Variants in VWA3B observed in about 807,000 individuals in gnomAD.
The protein encoded by VWA3B is von Willebrand factor A domain containing 3B.
A neutral mutation model predicts 158.3 loss-of-function variants in VWA3B; 138 were observed. The observed-to-expected ratio is 0.87, with a 90% confidence interval of 0.76 to 1.00. The LOEUF is 1.00. VWA3B is among the 50% of genes least tolerant of loss of function. The probability of loss-of-function intolerance (pLI) is 0.00; values close to 1 mark genes in which losing one functional copy is unlikely to be tolerated. For synonymous variants in VWA3B, 596 were observed against 587.3 expected (o/e 1.01, Z -0.21); for missense variants, 1,555 against 1,565.1 (o/e 0.99, Z 0.11).
intron 7 of VWA3B, among the ~76,000 whole-genome samples, chr2:98,135,363 T>G: frequency 8.4e-6 from 1 of 119,064 alleles, no homozygotes; most frequent in Non-Finnish European, 1.7e-5. Context: ...TGAGACAGAG[T>G]CTCGCTCTGT....
At chr2:98,117,437 G>A (rs945980799) in intron 3 of VWA3B, among the ~76,000 whole-genome samples, 6 of 152,220 alleles carry the variant, frequency 3.9e-5, no homozygotes, top group African/African-American at 1.4e-4. Context: ...CTGGGCTGTG[G>A]CTTTGTCCTC....
intron 12 of VWA3B, among the ~76,000 whole-genome samples, chr2:98,201,019 A>T (rs1023206192): frequency 6.6e-6 from 1 of 152,254 alleles, no homozygotes; most frequent in Admixed American, 6.5e-5. Context: ...CATTGTCTTT[A>T]TTATTGTGAC....
intron 7 of VWA3B, among the ~76,000 whole-genome samples, chr2:98,140,145 A>C (rs1676654829): frequency 6.6e-6 from 1 of 152,182 alleles, no homozygotes; most frequent in Admixed American, 6.5e-5. Flanking sequence ...CAGAAGGAAC[A>C]AACTCCAGAT....
intron 9 of VWA3B, among the ~76,000 whole-genome samples, chr2:98,183,737 G>A (rs1394872009): frequency 2.0e-5 from 3 of 152,232 alleles, no homozygotes; most frequent in Admixed American, 2.0e-4. Flanking sequence ...TACGGAACGA[G>A]AAGTTCTAGG....
At chr2:98,143,733 CTTTCT>C (rs1203449645) in intron 7 of VWA3B, among the ~76,000 whole-genome samples, 14 of 147,750 alleles carry the variant, frequency 9.5e-5, no homozygotes, top group South Asian at 4.3e-4. Flanking sequence ...GGAGCTTTAG[CTTTCT>C]TTTCTTTTCT....
At chr2:98,227,941 A>G (rs549492059) in intron 14 of VWA3B, among the ~76,000 whole-genome samples, 1 of 152,364 alleles carries the variant, frequency 6.6e-6, no homozygotes, top group African/African-American at 2.4e-5. Context: ...ATGGGATAAT[A>G]TAAGAACAAC....
chr2:98,092,497 G>A (rs972294492), intron 1 of VWA3B, among the ~76,000 whole-genome samples: 1 of 152,074 alleles, frequency 6.6e-6, no homozygotes. Flanking sequence ...ACAAAAATTA[G>A]CTGGGCATGG....
the VWA3B span, among the ~76,000 whole-genome samples, chr2:98,325,439 C>A: frequency 5.9e-5 from 9 of 152,042 alleles, no homozygotes; most frequent in Non-Finnish European, 1.0e-4. Context: ...TGAAAATAAC[C>A]TCAAAAATTA....
At chr2:98,262,508 C>A (rs986162910) in intron 21 of VWA3B, among the ~76,000 whole-genome samples, 5 of 151,828 alleles carry the variant, frequency 3.3e-5, no homozygotes, top group African/African-American at 1.2e-4. Context: ...TCCCCAGAAT[C>A]ACTTCTTGGA....
chr2:98,252,424 A>G (rs965858758), intron 20 of VWA3B, among the ~76,000 whole-genome samples: 1 of 152,124 alleles, frequency 6.6e-6, no homozygotes, highest in Non-Finnish European at 1.5e-5. Flanking sequence ...TTTGAGTCCT[A>G]TAATTACCCG....
intron 2 of VWA3B, among the ~76,000 whole-genome samples, chr2:98,102,490 C>T (rs950705044): frequency 8.5e-5 from 13 of 152,204 alleles, no homozygotes; most frequent in South Asian, 8.3e-4. Flanking sequence ...ACCAGGCGGC[C>T]GGGCAGAGAC....
At chr2:98,150,830 C>T (rs964900721) in intron 7 of VWA3B, among the ~76,000 whole-genome samples, 3 of 152,224 alleles carry the variant, frequency 2.0e-5, no homozygotes, top group African/African-American at 7.2e-5. Flanking sequence ...ATGCCACTGA[C>T]TCTCTGGAGG....
intron 21 of VWA3B, 63 bp downstream of exon 21, chr2:98,256,237 A>G: frequency 6.4e-7 from 1 of 1,563,214 alleles, no homozygotes; most frequent in Non-Finnish European, 8.7e-7. Flanking sequence ...CCTAAAATTA[A>G]CCATTTTAAA....
At chr2:98,320,298 A>G in the VWA3B span, among the ~76,000 whole-genome samples, 3 of 152,166 alleles carry the variant, frequency 2.0e-5, no homozygotes, top group Non-Finnish European at 2.9e-5. Context: ...CTGTGAGTCC[A>G]TTAAATCGCT....
rs183913122 is a variant in VWA3B, at chr2:98,220,799, A to C, written c.2019+2771A>C. ...GGAATACTATGCAGCCATAAAAAGG[A>C]ATGAGATCGTGTCCTTTTCAGGGAC... On this transcript the variant is annotated intron_variant, in intron 14 of 27. Coordinates refer to ENST00000477737, the MANE Select transcript of VWA3B (RefSeq NM_144992.5). Among the ~76,000 whole-genome samples, 75 of 152,288 alleles carry C rather than the reference A, an allele frequency of 4.9e-4. 1 individual carries two copies. Among genetic ancestry groups the C allele is most frequent in the Non-Finnish European group, 1.5e-5 (1 of 68,030 alleles).
chr2:98,092,112 T>C (rs1326233469), intron 1 of VWA3B, among the ~76,000 whole-genome samples: 1 of 152,180 alleles, frequency 6.6e-6, no homozygotes, highest in East Asian at 1.9e-4. Flanking sequence ...ATTCAGAAAG[T>C]GGATACATGT....
intron 19 of VWA3B, chr2:98,242,183 A>T: frequency 2.2e-6 from 1 of 455,308 alleles, no homozygotes; most frequent in Non-Finnish European, 4.4e-6. Context: ...CTTTGTCCCC[A>T]GCTCTTTGTT....
At chr2:98,183,189 C>CTTT (rs1244544813) in intron 9 of VWA3B, among the ~76,000 whole-genome samples, 2 of 124,596 alleles carry the variant, frequency 1.6e-5, no homozygotes, top group African/African-American at 3.1e-5. Context: ...GTACAGCTCC[C>CTTT]TTTTTTTTTT....
rs77640947 is a variant in VWA3B, at chr2:98,194,259, A to C, written c.1606-102A>C. 1,606 of 1,252,360 alleles carry C rather than the reference A, an allele frequency of 1.3e-3. 18 individuals carry two copies. The African/African-American group carries it at 0.022, about 17-fold the overall frequency. 77.6% of individuals were successfully genotyped at this position (1,252,360 alleles called of 1,614,324 possible). On this transcript the variant is annotated intron_variant, in intron 11 of 27. Coordinates refer to ENST00000477737, the MANE Select transcript of VWA3B (RefSeq NM_144992.5). ...TATAATTTTTTGCTTCTTGAACTGA[A>C]AATAGAGACCATCATGATTAAAATA...
Sources: gnomAD v4.1 joint callset for allele counts (sites outside exome capture counted in the v4.1 genomes callset) on GRCh38, gnomAD v4.1.1 for gene constraint, MANE v1.5 for transcripts, NCBI Gene and HGNC (gene_info 2026-07-23, HGNC 2026-07-21) for gene names.